The following STXBP5L variants were observed in gnomAD, a reference collection of about 807,000 sequenced individuals.
The protein encoded by STXBP5L is syntaxin-binding protein 5-like.
STXBP5L carries 65 observed loss-of-function variants against 144.5 expected under a neutral mutation model. That is an observed-to-expected ratio of 0.45 (90% CI 0.37 to 0.55). STXBP5L has a LOEUF of 0.55. Among genes scored for constraint, STXBP5L ranks in the 20% least tolerant of loss-of-function variants. STXBP5L has a pLI of 0.00. For synonymous variants in STXBP5L, 505 were observed against 469.6 expected (o/e 1.08, Z -0.97); for missense variants, 1,298 against 1,405.5 (o/e 0.92, Z 1.22).
chr3:120,981,772 T>A (rs1391420395), intron 3 of STXBP5L, among the ~76,000 whole-genome samples: 1 of 152,224 alleles, frequency 6.6e-6, no homozygotes, highest in Non-Finnish European at 1.5e-5. Context: ...AGTGTTCTTA[T>A]GCTGGTTCCC....
intron 5 of STXBP5L, among the ~76,000 whole-genome samples, chr3:121,054,698 C>T (rs569032338): frequency 1.3e-5 from 2 of 151,820 alleles, no homozygotes; most frequent in East Asian, 3.9e-4. Flanking sequence ...ATGTAACAAA[C>T]CTGCACATTG....
Position 120,954,916 on chromosome 3 carries a change from T to C in STXBP5L, c.190-24T>C, listed in dbSNP as rs1423071521. The C allele has an allele frequency of 3.2e-6, 5 of 1,583,834 alleles. No homozygotes were observed. In the East Asian group the frequency reaches 6.7e-5, roughly 21 times the overall value. ...TAATTTTTATTTCCCTAGAGACTTA[T>C]TGGTATTATTTGCTCTCTTTCAGAC... On this transcript the variant is annotated intron_variant, in intron 2 of 26. Transcript: ENST00000471454.
At chr3:121,418,071 G>A (rs2047280358) in intron 25 of STXBP5L, among the ~76,000 whole-genome samples, 1 of 152,166 alleles carries the variant, frequency 6.6e-6, no homozygotes, top group Admixed American at 6.5e-5. Flanking sequence ...TTCCAATTCA[G>A]CATCAAGAAA....
Position 121,419,102 on chromosome 3 carries a change from TA to T in STXBP5L, c.*8del. ...AAGAAATGGTACCAATTCTGACTTC[TA>T]AAGAAGCTGTGACTGCTTTGAGAAA... On this transcript the variant is annotated 3_prime_UTR_variant, in exon 27 of 27. Transcript: ENST00000471454. 10 of 1,609,988 alleles carry T rather than the reference TA, an allele frequency of 6.2e-6. No homozygotes were observed. The highest frequency in any genetic ancestry group is 1.7e-5 in the Admixed American group (1 of 59,232).
intron 20 of STXBP5L, among the ~76,000 whole-genome samples, chr3:121,330,102 A>C (rs1006019661): frequency 6.6e-6 from 1 of 152,190 alleles, no homozygotes; most frequent in South Asian, 2.1e-4. Flanking sequence ...TTTCTGCTTC[A>C]TGGGCAGACT....
At position 121,300,966 on chromosome 3, in the gene STXBP5L, G is replaced by A. The variant is rs1006828082; in HGVS notation, c.2111-17509G>A. Among the ~76,000 whole-genome samples, 7 of 152,148 alleles carry A rather than the reference G, an allele frequency of 4.6e-5. No homozygotes were observed. The East Asian group carries it at 1.2e-3, about 25-fold the overall frequency. Reference sequence around the variant, plus strand: ...TTACTGTAGCCTTGTAGCATAGTTCGAAGTCAGGTAGCGTGATGCCTCCAG... The same window carrying A: ...TTACTGTAGCCTTGTAGCATAGTTCAAAGTCAGGTAGCGTGATGCCTCCAG... On this transcript the variant is annotated intron_variant, in intron 19 of 26. Coordinates refer to ENST00000471454, the MANE Select transcript of STXBP5L (RefSeq NM_001308330.2).
intron 7 of STXBP5L, among the ~76,000 whole-genome samples, chr3:121,145,702 T>C (rs751561850): frequency 6.6e-6 from 1 of 152,046 alleles, no homozygotes; most frequent in Non-Finnish European, 1.5e-5. Context: ...TTGAGAATTA[T>C]GATACAAGTT....
At chr3:121,370,339 C>T (rs923435345) in intron 20 of STXBP5L, among the ~76,000 whole-genome samples, 1 of 152,116 alleles carries the variant, frequency 6.6e-6, no homozygotes, top group Non-Finnish European at 1.5e-5. Context: ...CTGCACTCCA[C>T]CCCGGGCAAC....
chr3:121,215,453 C>T (rs572274514), intron 10 of STXBP5L, among the ~76,000 whole-genome samples: 1 of 152,290 alleles, frequency 6.6e-6, no homozygotes, highest in Admixed American at 6.5e-5. Flanking sequence ...ATTTCCCCTT[C>T]ACTTATGAAG....
chr3:121,170,164 C>G (rs1305609537), intron 9 of STXBP5L, among the ~76,000 whole-genome samples: 1 of 152,092 alleles, frequency 6.6e-6, no homozygotes, highest in Non-Finnish European at 1.5e-5. Flanking sequence ...AAAGACACAA[C>G]ATAGCAGAAT....
intron 19 of STXBP5L, among the ~76,000 whole-genome samples, chr3:121,316,077 G>C (rs1247585588): frequency 6.6e-6 from 1 of 151,076 alleles, no homozygotes; most frequent in Non-Finnish European, 1.5e-5. Flanking sequence ...TCACTTTTCT[G>C]TATCTTCCAA....
At chr3:120,921,149 C>T (rs1021737355) in intron 2 of STXBP5L, among the ~76,000 whole-genome samples, 1 of 151,820 alleles carries the variant, frequency 6.6e-6, no homozygotes, top group East Asian at 1.9e-4. Flanking sequence ...TATTACCTGT[C>T]TCTTTTATAA....
chr3:121,261,636 C>T (rs987547838), intron 18 of STXBP5L, among the ~76,000 whole-genome samples: 1 of 152,100 alleles, frequency 6.6e-6, no homozygotes, highest in Non-Finnish European at 1.5e-5. Flanking sequence ...TAGTTCATCA[C>T]ATTAGCAAAT....
chr3:120,950,506 G>A (rs1456366419), intron 2 of STXBP5L, among the ~76,000 whole-genome samples: 1 of 151,842 alleles, frequency 6.6e-6, no homozygotes, highest in Non-Finnish European at 1.5e-5. Context: ...GAGTCTCTTG[G>A]ATATCTATTT....
chr3:120,933,752 AAG>A (rs1249072037), intron 2 of STXBP5L, among the ~76,000 whole-genome samples: 1 of 152,166 alleles, frequency 6.6e-6, no homozygotes, highest in Non-Finnish European at 1.5e-5. Context: ...GAGCAGAGGA[AAG>A]AGTGATATGG....
intron 2 of STXBP5L, among the ~76,000 whole-genome samples, chr3:120,942,865 T>C (rs187272594): frequency 2.6e-4 from 39 of 151,684 alleles, no homozygotes; most frequent in African/African-American, 8.9e-4. Flanking sequence ...GTTTAGCATA[T>C]GTTTGTTATT....
chr3:121,342,175 C>A (rs1003678203), intron 20 of STXBP5L, among the ~76,000 whole-genome samples: 11 of 151,978 alleles, frequency 7.2e-5, no homozygotes, highest in African/African-American at 1.7e-4. Flanking sequence ...GACAAGTGAA[C>A]CTGCACAGTT....
At chr3:121,293,485 T>G (rs531939184) in intron 19 of STXBP5L, among the ~76,000 whole-genome samples, 1 of 152,150 alleles carries the variant, frequency 6.6e-6, no homozygotes, top group Admixed American at 6.5e-5. Flanking sequence ...AATTAAACCT[T>G]AACAAGGCTA....
At chr3:121,060,862 T>G (rs1393232528) in intron 5 of STXBP5L, among the ~76,000 whole-genome samples, 2 of 152,138 alleles carry the variant, frequency 1.3e-5, no homozygotes, top group Non-Finnish European at 2.9e-5. Flanking sequence ...TTCTTTTCTC[T>G]TCTTCTTTAT....
Sources: allele counts gnomAD v4.1 joint callset (sites outside exome capture counted in the v4.1 genomes callset), GRCh38; gene constraint gnomAD v4.1.1; transcripts MANE v1.5; gene names NCBI Gene and HGNC (gene_info 2026-07-23, HGNC 2026-07-21).